PHACTR4: variants seen among roughly 807,000 people sequenced by gnomAD.
The protein encoded by PHACTR4 is phosphatase and actin regulator 4, also known as protein phosphatase 1, regulatory subunit 124.
In PHACTR4, 51 loss-of-function variants were observed where a neutral mutation model predicts 72.7. The ratio of observed to expected loss-of-function variants is 0.70; its 90% confidence interval spans 0.56 to 0.89. The LOEUF (loss-of-function observed/expected upper bound fraction) is 0.89, where lower values mean the gene tolerates loss of function less well. Among genes scored for constraint, PHACTR4 ranks in the 40% least tolerant of loss-of-function variants. PHACTR4 has a pLI of 0.00. For missense variants in PHACTR4, 731 were observed against 861.8 expected (o/e 0.85, Z 1.90); for synonymous variants, 255 against 302.5 (o/e 0.84, Z 1.63).
intron 1 of PHACTR4, among the ~76,000 whole-genome samples, chr1:28,381,037 C>G (rs902473294): frequency 2.5e-4 from 37 of 148,520 alleles, no homozygotes; most frequent in Admixed American, 3.4e-4. Flanking sequence ...GAGACAGAGT[C>G]TTGCTCTGTC....
chr1:28,455,862 G>T (rs755852791), intron 2 of PHACTR4, among the ~76,000 whole-genome samples: 2 of 152,164 alleles, frequency 1.3e-5, no homozygotes, highest in Non-Finnish European at 2.9e-5. Flanking sequence ...TCAGGGCCAG[G>T]TGTGGCTCTA....
intron 2 of PHACTR4, among the ~76,000 whole-genome samples, chr1:28,441,019 C>G (rs1656988514): frequency 6.6e-6 from 1 of 152,072 alleles, no homozygotes; most frequent in South Asian, 2.1e-4. Context: ...TCAACTGATG[C>G]AAAACACATG....
At chr1:28,371,732 A>G (rs1651261624) in intron 1 of PHACTR4, among the ~76,000 whole-genome samples, 1 of 152,054 alleles carries the variant, frequency 6.6e-6, no homozygotes, top group Admixed American at 6.6e-5. Flanking sequence ...CTGGGACAAC[A>G]GACACAGGCC....
chr1:28,423,086 G>A (rs537359741), intron 2 of PHACTR4, among the ~76,000 whole-genome samples: 1 of 151,484 alleles, frequency 6.6e-6, no homozygotes, highest in African/African-American at 2.4e-5. Context: ...ACCACACCCG[G>A]CCTAAAACTA....
chr1:28,420,193 G>A (rs1394682922), intron 2 of PHACTR4, among the ~76,000 whole-genome samples: 3 of 152,186 alleles, frequency 2.0e-5, no homozygotes, highest in Non-Finnish European at 4.4e-5. Flanking sequence ...AGGCTGCAGT[G>A]AGCCATTGAT....
chr1:28,487,289 C>T (rs1373026697), intron 9 of PHACTR4, among the ~76,000 whole-genome samples: 3 of 151,758 alleles, frequency 2.0e-5, no homozygotes, highest in African/African-American at 7.3e-5. Flanking sequence ...TCTCTTGAAC[C>T]TGGGAGGCGG....
intron 2 of PHACTR4, among the ~76,000 whole-genome samples, chr1:28,447,917 C>G (rs1657597437): frequency 2.0e-5 from 3 of 152,088 alleles, no homozygotes; most frequent in Admixed American, 2.0e-4. Flanking sequence ...CTATACAAAG[C>G]CTGCTTTGTT....
chr1:28,487,508 G>GACAC (rs142557448), intron 9 of PHACTR4, among the ~76,000 whole-genome samples: 9 of 119,986 alleles, frequency 7.5e-5, no homozygotes, highest in African/African-American at 2.6e-4. Context: ...GTGAGACCCT[G>GACAC]ACACACACAC....
intron 2 of PHACTR4, chr1:28,457,965 T>G: frequency 7.7e-6 from 5 of 653,320 alleles, no homozygotes; most frequent in Non-Finnish European, 9.5e-6. Context: ...GCCTTGGCTC[T>G]CCTTTCTCTG....
chr1:28,432,006 C>T (rs1348534129), intron 2 of PHACTR4, among the ~76,000 whole-genome samples: 7 of 151,114 alleles, frequency 4.6e-5, no homozygotes, highest in Non-Finnish European at 7.4e-5. Flanking sequence ...GTTAGGAGTT[C>T]GAGACGAGCC....
chr1:28,401,864 A>C (rs1653971075), intron 1 of PHACTR4, among the ~76,000 whole-genome samples: 1 of 152,172 alleles, frequency 6.6e-6, no homozygotes, highest in South Asian at 2.1e-4. Context: ...ATCTGAAAGT[A>C]CTGCGATTAT....
intron 3 of PHACTR4, among the ~76,000 whole-genome samples, chr1:28,459,866 C>T (rs896408547): frequency 1.3e-5 from 2 of 152,104 alleles, no homozygotes; most frequent in Non-Finnish European, 2.9e-5. Flanking sequence ...TCCATCAGAA[C>T]TTGGTGAAGA....
chr1:28,496,330 A>G (rs1288976755), intron 13 of PHACTR4, among the ~76,000 whole-genome samples: 2 of 152,140 alleles, frequency 1.3e-5, no homozygotes, highest in African/African-American at 4.8e-5. Context: ...TGCTGGGATT[A>G]CAGGTGTGAA....
At chr1:28,496,305 C>T (rs1661357600) in intron 13 of PHACTR4, among the ~76,000 whole-genome samples, 1 of 151,948 alleles carries the variant, frequency 6.6e-6, no homozygotes, top group Admixed American at 6.6e-5. Context: ...ATCCGCCCGC[C>T]TCGGCCTCCC....
rs1452663466 is a variant in PHACTR4, at chr1:28,496,977, A to G, written c.*428A>G. The G allele has an allele frequency of 1.9e-5, 4 of 210,220 alleles. No homozygotes were observed. Among genetic ancestry groups the G allele is most frequent in the East Asian group, 1.3e-4 (1 of 7,594 alleles). The allele number at this position is 210,220 out of a possible 1,614,324, so 13.0% of individuals were successfully genotyped here. A position where few individuals can be genotyped will look rare whatever the true frequency, so the allele number is the denominator to read the frequency against. On this transcript the variant is annotated 3_prime_UTR_variant, in exon 14 of 14. Transcript: ENST00000373839. ...CTCTAAATTCCAGCCATCAAATCCA[A>G]TTCCTGGTGGGGAAAACCTTCTGGA... is the stretch of plus-strand genomic sequence containing the variant.
In PHACTR4 at chr1:28,498,399, A is replaced by G. The variant is rs1426536176; in HGVS notation, c.*1850A>G. On this transcript the variant is annotated 3_prime_UTR_variant, in exon 14 of 14. Coordinates refer to ENST00000373839, the MANE Select transcript of PHACTR4 (RefSeq NM_001048183.3). ...TCCACCTCACCCGCCCCTCTTCCAC[A>G]CTATAACCAGTATGGTTGGTGCTGG... 2 of 152,250 alleles carry G rather than the reference A, an allele frequency of 1.3e-5. No individual in the cohort carries two copies. Among genetic ancestry groups the G allele is most frequent in the Non-Finnish European group, 2.9e-5 (2 of 68,070 alleles). 9.4% of individuals were successfully genotyped at this position (152,250 alleles called of 1,614,324 possible). A position where few individuals can be genotyped will look rare whatever the true frequency, so the allele number is the denominator to read the frequency against.
intron 1 of PHACTR4, among the ~76,000 whole-genome samples, chr1:28,385,417 G>T (rs762184607): frequency 4.6e-5 from 7 of 151,588 alleles, no homozygotes; most frequent in Non-Finnish European, 5.9e-5. Context: ...GGTGGTGCAT[G>T]CCTATAGTCC....
At chr1:28,444,782 A>ATTTTTTTTTTTTTTTTTTTTT (rs577693546) in intron 2 of PHACTR4, among the ~76,000 whole-genome samples, 7 of 116,676 alleles carry the variant, frequency 6.0e-5, no homozygotes, top group African/African-American at 1.8e-4. Context: ...CACCCAGCTA[A>ATTTTTTTTTTTTTTTTTTTTT]TTTTTTTTTT....
At chr1:28,390,654 G>A (rs576324798) in intron 1 of PHACTR4, among the ~76,000 whole-genome samples, 5 of 152,046 alleles carry the variant, frequency 3.3e-5, no homozygotes, top group Non-Finnish European at 4.4e-5. Context: ...TTAGCCGGGC[G>A]TGGTGGCCCA....
Sources: allele counts gnomAD v4.1 joint callset (sites outside exome capture counted in the v4.1 genomes callset), GRCh38; gene constraint gnomAD v4.1.1; transcripts MANE v1.5; gene names NCBI Gene and HGNC (gene_info 2026-07-23, HGNC 2026-07-21).